RNF6: variants seen among roughly 807,000 people sequenced by gnomAD.
The protein encoded by RNF6 is ring finger protein 6, also known as E3 ubiquitin-protein ligase RNF6.
RNF6 carries 21 observed loss-of-function variants against 50.1 expected under a neutral mutation model. The observed-to-expected ratio is 0.42, with a 90% CI of 0.30 to 0.60. The LOEUF (loss-of-function observed/expected upper bound fraction) is 0.60, where lower values mean the gene tolerates loss of function less well. RNF6 is among the 20% of genes least tolerant of loss of function. The probability of loss-of-function intolerance (pLI) is 0.20; values close to 1 mark genes in which losing one functional copy is unlikely to be tolerated. For synonymous variants in RNF6, 255 were observed against 291.8 expected, an observed-to-expected ratio of 0.87 and a Z score of 1.29; for missense variants, 698 against 838.2, an observed-to-expected ratio of 0.83 and a Z score of 2.07.
intron 5 of RNF6, among the ~76,000 whole-genome samples, chr13:26,153,867 C>T (rs945384515): frequency 6.6e-6 from 1 of 152,030 alleles, no homozygotes; most frequent in African/African-American, 2.4e-5. Flanking sequence ...ATTGCTCATC[C>T]GCGTATTTTT....
chr13:26,220,198 T>A (rs944607636), intron 2 of RNF6, among the ~76,000 whole-genome samples: 2 of 152,222 alleles, frequency 1.3e-5, no homozygotes, highest in East Asian at 3.8e-4. Flanking sequence ...TTTAGCCTAA[T>A]TAATATCTAC....
At chr13:26,160,535 C>CTTTTTTT (rs1566414092) in intron 5 of RNF6, among the ~76,000 whole-genome samples, 1 of 26,264 alleles carries the variant, frequency 3.8e-5, no homozygotes, top group Non-Finnish European at 7.8e-5. Context: ...ATCTTCTTCT[C>CTTTTTTT]TTCTTCTTCT....
At chr13:26,137,259 G>A (rs1226025514) in intron 5 of RNF6, among the ~76,000 whole-genome samples, 1 of 152,126 alleles carries the variant, frequency 6.6e-6, no homozygotes, top group African/African-American at 2.4e-5. Flanking sequence ...GCAGCTGCCT[G>A]AGGTGATGGA....
intron 5 of RNF6, among the ~76,000 whole-genome samples, chr13:26,179,161 T>A (rs1033786791): frequency 6.6e-6 from 1 of 151,986 alleles, no homozygotes; most frequent in Non-Finnish European, 1.5e-5. Context: ...CTGCCAGAGT[T>A]CTGTAAGGGT....
chr13:26,194,926 C>T (rs1167229373), intron 5 of RNF6, among the ~76,000 whole-genome samples: 2 of 152,166 alleles, frequency 1.3e-5, no homozygotes, highest in Non-Finnish European at 2.9e-5. Context: ...GTCTGCCTTT[C>T]CCAGCCCGTG....
chr13:26,140,102 A>C (rs2137552964), intron 5 of RNF6, among the ~76,000 whole-genome samples: 1 of 152,340 alleles, frequency 6.6e-6, no homozygotes, highest in South Asian at 2.1e-4. Flanking sequence ...CCAATTACTT[A>C]TGAATATTTT....
rs1189326443 is a variant in RNF6, at chr13:26,213,186, C to T, written c.*638G>A. 1.3e-5 allele frequency: 2 copies of T among 152,574 alleles called. No individual in the cohort carries two copies. Among genetic ancestry groups the T allele is most frequent in the Non-Finnish European group, 2.9e-5 (2 of 68,022 alleles). The allele number at this position is 152,574 out of a possible 1,614,324, so 9.5% of individuals were successfully genotyped here. A position where few individuals can be genotyped will look rare whatever the true frequency, so the allele number is the denominator to read the frequency against. On this transcript the variant is annotated 3_prime_UTR_variant, in exon 5 of 5. Transcript: ENST00000381588. ...AAAATTATATCTGAATCCCCTTTCT[C>T]TGAGATGAACTTGCCAATATTAAAC...
intron 5 of RNF6, among the ~76,000 whole-genome samples, chr13:26,204,267 G>A (rs1001926881): frequency 2.0e-5 from 3 of 151,934 alleles, no homozygotes; most frequent in Non-Finnish European, 4.4e-5. Flanking sequence ...AGGCCGAGGC[G>A]GGTGGATCAA....
At chr13:26,156,839 G>A (rs1388543393) in intron 5 of RNF6, among the ~76,000 whole-genome samples, 2 of 152,100 alleles carry the variant, frequency 1.3e-5, no homozygotes, top group Non-Finnish European at 2.9e-5. Flanking sequence ...GTAGACCCTC[G>A]TTACCTACAC....
At chr13:26,175,817 G>A (rs1872930455) in intron 5 of RNF6, among the ~76,000 whole-genome samples, 1 of 152,144 alleles carries the variant, frequency 6.6e-6, no homozygotes, top group Admixed American at 6.5e-5. Context: ...ATTTGAAAAT[G>A]CACATGGAAA....
In RNF6 at chr13:26,215,359, A is replaced by C. The variant is rs533416473; in HGVS notation, c.523T>G (p.Ser175Ala). Residue 175 changes from serine to alanine, a missense_variant, in exon 5 of 5, where the codon TCA becomes GCA. Transcript: ENST00000381588. ...HGEDYTDIPL[S>A]DSNRDHTANR... ...GCAGTATGATCTCTGTTACTATCTG[A>C]AAGTGGAATGTCTGTATAATCTTCT... 6.8e-6 allele frequency: 11 copies of C among 1,614,068 alleles called. No individual in the cohort carries two copies. Among genetic ancestry groups the C allele is most frequent in the Non-Finnish European group, 9.3e-6 (11 of 1,180,056 alleles).
chr13:26,144,665 A>ACATTCAGG (rs1871137909), intron 5 of RNF6, among the ~76,000 whole-genome samples: 1 of 152,230 alleles, frequency 6.6e-6, no homozygotes, highest in South Asian at 2.1e-4. Context: ...GCAGCTGCAC[A>ACATTCAGG]CATTCAGGTA....
At chr13:26,193,555 G>A (rs1868543590) in intron 5 of RNF6, among the ~76,000 whole-genome samples, 1 of 152,200 alleles carries the variant, frequency 6.6e-6, no homozygotes, top group Admixed American at 6.5e-5. Flanking sequence ...ATGTGTTCTA[G>A]CAAGACCTGG....
chr13:26,197,693 C>A (rs1265556444), intron 5 of RNF6, among the ~76,000 whole-genome samples: 1 of 151,844 alleles, frequency 6.6e-6, no homozygotes, highest in Admixed American at 6.6e-5. Flanking sequence ...TGAATAAGAT[C>A]CATTTTCACT....
intron 5 of RNF6, among the ~76,000 whole-genome samples, chr13:26,146,925 T>A (rs988136256): frequency 6.6e-6 from 1 of 152,168 alleles, no homozygotes; most frequent in East Asian, 1.9e-4. Context: ...TCTCATGAGA[T>A]CTGGTTGTTT....
chr13:26,184,018 A>ATATT (rs1335766541), intron 5 of RNF6, among the ~76,000 whole-genome samples: 2 of 33,940 alleles, frequency 5.9e-5, no homozygotes, highest in Admixed American at 3.7e-4. Context: ...ATATATATAT[A>ATATT]TTTTTTTTTT....
In RNF6 at chr13:26,213,668, C is replaced by A; in HGVS notation, c.*156G>T. On this transcript the variant is annotated 3_prime_UTR_variant, in exon 5 of 5. Transcript: ENST00000381588. ...TGTATTTTAAATTTTATATAAATTT[C>A]TTTTTAACAAGTTTAAAAAAGCACA... The A allele has an allele frequency of 4.2e-6, 2 of 477,492 alleles. No homozygotes were observed. The highest frequency in any genetic ancestry group is 3.9e-5 in the Admixed American group (1 of 25,690). 29.6% of individuals were successfully genotyped at this position (477,492 alleles called of 1,614,324 possible).
chr13:26,183,992 AT>A (rs1187810613), intron 5 of RNF6, among the ~76,000 whole-genome samples: 11 of 48,404 alleles, frequency 2.3e-4, no homozygotes, highest in Non-Finnish European at 3.6e-4. Context: ...GATAAATAAA[AT>A]ATATATATAT....
chr13:26,138,785 T>G (rs182733625), intron 5 of RNF6, among the ~76,000 whole-genome samples: 240 of 152,330 alleles, frequency 1.6e-3, no homozygotes, highest in African/African-American at 5.6e-3. Flanking sequence ...AAAATGATAC[T>G]AGAATATATC....
Sources: allele counts gnomAD v4.1 joint callset (sites outside exome capture counted in the v4.1 genomes callset), GRCh38; gene constraint gnomAD v4.1.1; transcripts MANE v1.5; gene names NCBI Gene and HGNC (gene_info 2026-07-23, HGNC 2026-07-21).